TRPM3: variants seen among roughly 807,000 people sequenced by gnomAD.
TRPM3 encodes transient receptor potential cation channel subfamily M member 3.
A neutral mutation model predicts 181.2 loss-of-function variants in TRPM3; 77 were observed. That is an observed-to-expected ratio of 0.42 (90% confidence interval 0.35 to 0.51). The LOEUF is 0.51. Among genes scored for constraint, TRPM3 ranks in the 20% least tolerant of loss-of-function variants. The pLI, the probability that TRPM3 is intolerant of heterozygous loss-of-function variation, is 0.01. For missense variants in TRPM3, 1,759 were observed against 2,196.7 expected, an observed-to-expected ratio of 0.80 and a Z score of 3.98; for synonymous variants, 745 against 796.4, an observed-to-expected ratio of 0.94 and a Z score of 1.09.
intron 7 of TRPM3, 55 bp downstream of exon 7, chr9:70,784,050 C>T: frequency 6.4e-7 from 1 of 1,563,038 alleles, no homozygotes; most frequent in Non-Finnish European, 8.7e-7. Context: ...CCACTCATAC[C>T]CTCGTTTCCA....
At chr9:71,238,009 T>A (rs2081461573) in intron 1 of TRPM3, among the ~76,000 whole-genome samples, 2 of 152,222 alleles carry the variant, frequency 1.3e-5, no homozygotes, top group African/African-American at 4.8e-5. Context: ...GGGGACACAT[T>A]CTAACTACGG....
intron 11 of TRPM3, among the ~76,000 whole-genome samples, chr9:70,638,668 A>G (rs140454732): frequency 1.3e-5 from 2 of 152,204 alleles, no homozygotes. Context: ...CTCTGAGGAT[A>G]AAAAATGGCG....
chr9:71,357,646 T>A (rs958429367), intron 1 of TRPM3, among the ~76,000 whole-genome samples: 2 of 152,096 alleles, frequency 1.3e-5, no homozygotes, highest in Admixed American at 1.3e-4. Context: ...ACTAGCCTTA[T>A]TTGAAATACA....
At chr9:71,131,436 T>C (rs192885105) in intron 1 of TRPM3, among the ~76,000 whole-genome samples, 59 of 152,242 alleles carry the variant, frequency 3.9e-4, no homozygotes, top group African/African-American at 1.4e-3. Context: ...AATCTACGAA[T>C]GGAATGTAAT....
intron 1 of TRPM3, among the ~76,000 whole-genome samples, chr9:71,232,488 T>G: frequency 7.2e-6 from 1 of 138,602 alleles, no homozygotes; most frequent in African/African-American, 2.8e-5. Context: ...TTGAATTCAG[T>G]GTCTTTTTTT....
chr9:70,654,048 A>C (rs2133826177), intron 9 of TRPM3, among the ~76,000 whole-genome samples: 1 of 150,188 alleles, frequency 6.7e-6, no homozygotes, highest in East Asian at 1.9e-4. Flanking sequence ...GGCTAAGCAC[A>C]GTTTACAGGA....
chr9:70,685,861 A>T (rs1409747801), intron 8 of TRPM3, among the ~76,000 whole-genome samples: 1 of 142,048 alleles, frequency 7.0e-6, no homozygotes, highest in East Asian at 2.1e-4. Context: ...TAATGCATTT[A>T]AAATTATGTA....
chr9:70,785,844 T>G (rs2083470866), intron 6 of TRPM3, among the ~76,000 whole-genome samples: 2 of 152,228 alleles, frequency 1.3e-5, no homozygotes, highest in Non-Finnish European at 2.9e-5. Flanking sequence ...CTGTTTTGCA[T>G]GTCCACTTAA....
intron 1 of TRPM3, among the ~76,000 whole-genome samples, chr9:71,371,452 A>G (rs2092510427): frequency 1.3e-5 from 2 of 152,238 alleles, no homozygotes; most frequent in South Asian, 4.1e-4. Context: ...AGAGGTTTAA[A>G]GCATCAGTGG....
chr9:70,983,162 C>T (rs1480046200), intron 1 of TRPM3, among the ~76,000 whole-genome samples: 2 of 152,142 alleles, frequency 1.3e-5, no homozygotes, highest in South Asian at 4.1e-4. Context: ...TAAATCACTT[C>T]CTTCTACAAC....
At chr9:71,120,379 C>A (rs1372746086) in intron 1 of TRPM3, among the ~76,000 whole-genome samples, 1 of 152,102 alleles carries the variant, frequency 6.6e-6, no homozygotes, top group Non-Finnish European at 1.5e-5. Context: ...TGTGTTTTCC[C>A]CCCTACAAGA....
intron 1 of TRPM3, among the ~76,000 whole-genome samples, chr9:71,378,796 C>T (rs755132277): frequency 6.6e-6 from 1 of 151,972 alleles, no homozygotes; most frequent in Non-Finnish European, 1.5e-5. Flanking sequence ...TATAAATTTG[C>T]TTGGGTAGGA....
intron 1 of TRPM3, among the ~76,000 whole-genome samples, chr9:71,081,797 G>A (rs1004316498): frequency 3.9e-5 from 6 of 152,106 alleles, no homozygotes; most frequent in South Asian, 2.1e-4. Flanking sequence ...AAATCTCACC[G>A]AGTCTTGTTT....
chr9:71,408,099 T>C (rs990953023), intron 1 of TRPM3, among the ~76,000 whole-genome samples: 1 of 152,158 alleles, frequency 6.6e-6, no homozygotes, highest in Non-Finnish European at 1.5e-5. Context: ...ATCTGTAGGT[T>C]ACCATTGTCA....
At chr9:70,545,125 A>C (rs2044495431) in intron 25 of TRPM3, among the ~76,000 whole-genome samples, 4 of 152,230 alleles carry the variant, frequency 2.6e-5, no homozygotes, top group Admixed American at 2.6e-4. Context: ...AAATTGCTCA[A>C]GGTCACATAG....
chr9:71,068,425 T>C (rs1004961479), intron 1 of TRPM3, among the ~76,000 whole-genome samples: 2 of 152,164 alleles, frequency 1.3e-5, no homozygotes, highest in African/African-American at 4.8e-5. Flanking sequence ...CCAAATGCCC[T>C]GGAAAACAAA....
At position 70,620,377 on chromosome 9, in the gene TRPM3, G is replaced by A; in HGVS notation, c.1840-12C>T. 6.3e-7 allele frequency: 1 copy of A among 1,599,638 alleles called. No individual in the cohort carries two copies. The highest frequency in any genetic ancestry group is 1.7e-5 in the Admixed American group (1 of 59,468). On this transcript the variant is annotated splice_polypyrimidine_tract_variant and intron_variant, in intron 15 of 25. Coordinates refer to ENST00000677713, the MANE Select transcript of TRPM3 (RefSeq NM_001366145.2). The stretch of plus-strand genomic sequence containing the variant: ...AAGGGAATATCATCCTGTAATTACA[G>A]GGAAACCACACAGACTGAGTTAGAA...
intron 1 of TRPM3, among the ~76,000 whole-genome samples, chr9:71,403,271 T>G (rs2093375602): frequency 2.6e-5 from 4 of 152,312 alleles, no homozygotes; most frequent in African/African-American, 7.2e-5. Context: ...ATTTAGCAAT[T>G]GTAACAGATA....
At chr9:70,963,752 G>A (rs2097160137) in intron 1 of TRPM3, among the ~76,000 whole-genome samples, 1 of 152,076 alleles carries the variant, frequency 6.6e-6, no homozygotes, top group Non-Finnish European at 1.5e-5. Flanking sequence ...AAAATCTACA[G>A]TCTTTGCCAA....
Sources: gnomAD v4.1 joint callset for allele counts (sites outside exome capture counted in the v4.1 genomes callset) on GRCh38, gnomAD v4.1.1 for gene constraint, MANE v1.5 for transcripts, NCBI Gene and HGNC (gene_info 2026-07-23, HGNC 2026-07-21) for gene names.